FHOD3: variants seen among roughly 807,000 people sequenced by gnomAD.
The protein encoded by FHOD3 is formin homology 2 domain containing 3, also known as FH1/FH2 domain-containing protein 3.
In FHOD3, 90 loss-of-function variants were observed where a neutral mutation model predicts 173.0. That is an observed-to-expected ratio of 0.52 (90% CI 0.44 to 0.62). The LOEUF is 0.62. Ranked by LOEUF, FHOD3 falls within the 20% of genes least tolerant of loss-of-function variation. FHOD3 has a pLI of 0.00. For synonymous variants in FHOD3, 828 were observed against 823.0 expected, an observed-to-expected ratio of 1.01 and a Z score of -0.10; for missense variants, 1,945 against 2,034.7, an observed-to-expected ratio of 0.96 and a Z score of 0.85.
At chr18:36,493,265 G>T (rs1200866182) in intron 3 of FHOD3, among the ~76,000 whole-genome samples, 1 of 144,088 alleles carries the variant, frequency 6.9e-6, no homozygotes, top group Admixed American at 7.1e-5. Context: ...ACTCCAACAA[G>T]CTTCAAAATC....
intron 1 of FHOD3, among the ~76,000 whole-genome samples, chr18:36,317,858 A>G (rs2044203485): frequency 6.6e-6 from 1 of 152,198 alleles, no homozygotes; most frequent in Admixed American, 6.5e-5. Flanking sequence ...TTATGGTTTT[A>G]GGCCTCACAT....
intron 2 of FHOD3, among the ~76,000 whole-genome samples, chr18:36,357,804 T>C (rs1018663666): frequency 6.6e-6 from 1 of 152,202 alleles, no homozygotes; most frequent in Non-Finnish European, 1.5e-5. Flanking sequence ...GAGTAGATCA[T>C]TGTCAGCTTG....
At chr18:36,650,711 C>T (rs2035989717) in intron 11 of FHOD3, among the ~76,000 whole-genome samples, 1 of 152,204 alleles carries the variant, frequency 6.6e-6, no homozygotes, top group Admixed American at 6.5e-5. Flanking sequence ...ATGTTCTGCC[C>T]ACCTGCACAA....
chr18:36,554,187 T>C (rs988754715), intron 5 of FHOD3, among the ~76,000 whole-genome samples: 8 of 152,244 alleles, frequency 5.3e-5, no homozygotes, highest in African/African-American at 1.4e-4. Flanking sequence ...CACATGCACA[T>C]GTATGTTTAT....
At chr18:36,777,271 C>T (rs946291546) in intron 28 of FHOD3, among the ~76,000 whole-genome samples, 2 of 147,126 alleles carry the variant, frequency 1.4e-5, no homozygotes, top group South Asian at 2.1e-4. Flanking sequence ...GGCACCATCT[C>T]GGCTCACCGC....
At chr18:36,419,838 A>G (rs2049896030) in intron 3 of FHOD3, among the ~76,000 whole-genome samples, 1 of 152,226 alleles carries the variant, frequency 6.6e-6, no homozygotes, top group Admixed American at 6.5e-5. Flanking sequence ...CCTTCTTTCC[A>G]TATCAAGAAG....
chr18:36,646,167 G>T (rs1290551446), intron 10 of FHOD3, among the ~76,000 whole-genome samples: 1 of 152,134 alleles, frequency 6.6e-6, no homozygotes, highest in Admixed American at 6.5e-5. Flanking sequence ...AAGTCTAAAA[G>T]AAGCTCTAGA....
At chr18:36,664,270 C>A (rs974581477) in intron 14 of FHOD3, among the ~76,000 whole-genome samples, 1 of 152,136 alleles carries the variant, frequency 6.6e-6, no homozygotes, top group African/African-American at 2.4e-5. Flanking sequence ...TAATGGCACC[C>A]AGTCCACAAA....
intron 5 of FHOD3, among the ~76,000 whole-genome samples, chr18:36,570,593 A>C (rs1216659093): frequency 1.3e-5 from 2 of 152,168 alleles, no homozygotes; most frequent in African/African-American, 2.4e-5. Flanking sequence ...AAATACACTG[A>C]ACAATATTTA....
intron 17 of FHOD3, among the ~76,000 whole-genome samples, chr18:36,701,992 A>C (rs571631616): frequency 6.6e-6 from 1 of 152,322 alleles, no homozygotes; most frequent in South Asian, 2.1e-4. Context: ...TTAACTTTTA[A>C]GGCATAAAAA....
intron 12 of FHOD3, 117 bp from the exon 13 acceptor site, chr18:36,653,225 T>G (rs560556559): frequency 2.3e-5 from 19 of 816,410 alleles, no homozygotes; most frequent in African/African-American, 2.1e-4. Context: ...GTGTCCAAAT[T>G]TATACATCTT....
At chr18:36,513,759 C>T (rs902711884) in intron 5 of FHOD3, among the ~76,000 whole-genome samples, 5 of 151,686 alleles carry the variant, frequency 3.3e-5, no homozygotes, top group African/African-American at 7.3e-5. Context: ...ACAGAGAGAA[C>T]GTAGGGCTCA....
intron 3 of FHOD3, among the ~76,000 whole-genome samples, chr18:36,421,756 T>G (rs895938281): frequency 6.6e-6 from 1 of 152,162 alleles, no homozygotes; most frequent in African/African-American, 2.4e-5. Context: ...TGTGGTAGTT[T>G]GGGATCACAT....
chr18:36,672,850 AC>A (rs2037619573), intron 14 of FHOD3, among the ~76,000 whole-genome samples: 1 of 152,204 alleles, frequency 6.6e-6, no homozygotes, highest in East Asian at 1.9e-4. Context: ...TATCTGGCAG[AC>A]TTAAATTATA....
At chr18:36,664,478 C>T (rs755763164) in intron 14 of FHOD3, among the ~76,000 whole-genome samples, 4 of 152,140 alleles carry the variant, frequency 2.6e-5, no homozygotes, top group Admixed American at 1.3e-4. Context: ...ATCCAAAGCA[C>T]GCAAGAGAAG....
At chr18:36,441,919 C>T (rs2051177578) in intron 3 of FHOD3, among the ~76,000 whole-genome samples, 1 of 152,160 alleles carries the variant, frequency 6.6e-6, no homozygotes, top group Non-Finnish European at 1.5e-5. Flanking sequence ...TTAGAAAAGT[C>T]AAGTCAAATT....
At chr18:36,559,412 A>C (rs548350062) in intron 5 of FHOD3, among the ~76,000 whole-genome samples, 1 of 152,284 alleles carries the variant, frequency 6.6e-6, no homozygotes, top group East Asian at 1.9e-4. Flanking sequence ...AAGCTGTTAA[A>C]ATAGGACGAG....
At chr18:36,702,490 A>G (rs2039644515) in intron 17 of FHOD3, among the ~76,000 whole-genome samples, 1 of 152,196 alleles carries the variant, frequency 6.6e-6, no homozygotes, top group Non-Finnish European at 1.5e-5. Context: ...GTCTGTAGTC[A>G]ATCGTGTTAG....
At chr18:36,700,705 G>A (rs919798446) in intron 17 of FHOD3, among the ~76,000 whole-genome samples, 3 of 151,904 alleles carry the variant, frequency 2.0e-5, no homozygotes, top group East Asian at 3.9e-4. Context: ...TAAAATTATC[G>A]GGTGGCTCTC....
Sources: allele counts gnomAD v4.1 joint callset (sites outside exome capture counted in the v4.1 genomes callset), GRCh38; gene constraint gnomAD v4.1.1; transcripts MANE v1.5; gene names NCBI Gene and HGNC (gene_info 2026-07-23, HGNC 2026-07-21).